Variants in STIM1 observed in about 807,000 individuals in gnomAD.
The protein encoded by STIM1 is stromal interaction molecule 1.
In STIM1, 25 loss-of-function variants were observed where a neutral mutation model predicts 74.7. That is an observed-to-expected ratio of 0.33 (90% CI 0.24 to 0.47). The LOEUF (loss-of-function observed/expected upper bound fraction) is 0.47. Among genes scored for constraint, STIM1 ranks in the 20% least tolerant of loss-of-function variants. The pLI, the probability that STIM1 is intolerant of heterozygous loss-of-function variation, is 1.00. For synonymous variants in STIM1, 328 were observed against 348.8 expected, an observed-to-expected ratio of 0.94 and a Z score of 0.66; for missense variants, 728 against 920.8, an observed-to-expected ratio of 0.79 and a Z score of 2.71.
At chr11:4,001,552 C>T (rs1176490384) in intron 2 of STIM1, among the ~76,000 whole-genome samples, 1 of 152,118 alleles carries the variant, frequency 6.6e-6, no homozygotes, top group Admixed American at 6.5e-5. Flanking sequence ...ATTTTGTCAC[C>T]ACCAGGTCTG....
intron 1 of STIM1, chr11:3,888,022 C>CCACCA (rs2091779803): frequency 6.6e-6 from 1 of 152,082 alleles, no homozygotes; most frequent in Non-Finnish European, 1.5e-5. Flanking sequence ...TTTTATCTCC[C>CCACCA]CACCACCCCT....
intron 1 of STIM1, among the ~76,000 whole-genome samples, chr11:3,874,288 A>G (rs916145945): frequency 2.0e-5 from 3 of 152,122 alleles, no homozygotes; most frequent in Admixed American, 6.5e-5. Flanking sequence ...AGTCATTTCT[A>G]TTGCCCTGGA....
At chr11:3,884,454 A>G (rs1229766835) in intron 1 of STIM1, among the ~76,000 whole-genome samples, 3 of 152,110 alleles carry the variant, frequency 2.0e-5, no homozygotes, top group Non-Finnish European at 4.4e-5. Context: ...TTCTGCTGGG[A>G]GCTGTCATGC....
chr11:3,885,431 C>A (rs2091670433), intron 1 of STIM1, among the ~76,000 whole-genome samples: 1 of 152,130 alleles, frequency 6.6e-6, no homozygotes, highest in South Asian at 2.1e-4. Context: ...AAGTGATCTG[C>A]CTGCCTTGGC....
chr11:4,065,298 C>T (rs1164968013), intron 5 of STIM1, among the ~76,000 whole-genome samples: 1 of 152,132 alleles, frequency 6.6e-6, no homozygotes, highest in Non-Finnish European at 1.5e-5. Context: ...GGAGTGGTTG[C>T]TTTTCTGGCA....
Position 4,084,692 on chromosome 11 carries a change from G to A in STIM1, c.1494G>A (p.Gly498=). The A allele has an allele frequency of 1.6e-6, 2 of 1,289,410 alleles. No individual in the cohort carries two copies. The highest frequency in any genetic ancestry group is 2.0e-6 in the Non-Finnish European group (2 of 988,872). 79.9% of individuals were successfully genotyped at this position (1,289,410 alleles called of 1,614,324 possible). ...CCCTAGATGCTGCCTGGCTGATGGG[G>A]CGTAGGTTCAGTGACCGCTCTCTCT... ...LSMQYAAWLM[G]RRFSDRSLCS... is the part of the protein sequence containing the mutation. The change falls in exon 11 of 13, where the codon GGG becomes GGA. Residue 498 remains glycine, a synonymous_variant. Transcript: ENST00000526596.
chr11:3,976,384 AG>A (rs2093448779), intron 2 of STIM1, among the ~76,000 whole-genome samples: 1 of 152,184 alleles, frequency 6.6e-6, no homozygotes, highest in African/African-American at 2.4e-5. Context: ...TTATTAGTGT[AG>A]GGGAGGTTTT....
At chr11:3,943,174 G>A (rs2093031355) in intron 1 of STIM1, among the ~76,000 whole-genome samples, 1 of 152,116 alleles carries the variant, frequency 6.6e-6, no homozygotes, top group Non-Finnish European at 1.5e-5. Flanking sequence ...CAAGCTCTGA[G>A]GGCATCTTCT....
intron 1 of STIM1, among the ~76,000 whole-genome samples, chr11:3,966,600 G>A (rs17081): frequency 0.24 from 36,907 of 152,048 alleles, 5,635 homozygotes; most frequent in South Asian, 0.45. Flanking sequence ...AGTAGTTGTC[G>A]AGATCCAGGT....
intron 2 of STIM1, among the ~76,000 whole-genome samples, chr11:3,979,257 CCCT>C (rs1425736749): frequency 6.6e-6 from 1 of 152,058 alleles, no homozygotes; most frequent in African/African-American, 2.4e-5. Flanking sequence ...CTGTAGACAA[CCCT>C]TAAGTGTTCT....
chr11:4,000,271 C>A lies in STIM1; in HGVS notation c.271-23602C>A, dbSNP rs1404502041. Among the ~76,000 whole-genome samples the A allele has an allele frequency of 4.4e-4, 58 of 132,220 alleles. 1 individual carries two copies. Among genetic ancestry groups the A allele is most frequent in the African/African-American group, 1.5e-3 (55 of 37,580 alleles). 86.7% of individuals were successfully genotyped at this position (132,220 alleles called of 152,430 possible). On this transcript the variant is annotated intron_variant, in intron 2 of 12. Coordinates refer to ENST00000526596, the MANE Select transcript of STIM1 (RefSeq NM_001382567.1). ...ATGCAGCTGCAGATCTGAGAATGGG[C>A]AGACTGCCTCCTCAAGTGGGTCCCT...
chr11:3,987,945 G>A (rs2093572816), intron 2 of STIM1, among the ~76,000 whole-genome samples: 1 of 152,036 alleles, frequency 6.6e-6, no homozygotes, highest in Non-Finnish European at 1.5e-5. Flanking sequence ...GCATGAGTTT[G>A]TTTTACTCTC....
In STIM1 at chr11:3,863,260, GTGTGTGTA is replaced by G. The variant is rs1205677506; in HGVS notation, c.139+6855_139+6862del. ...TGTGTGTGTGTGTGTGTGTGTGTGT[GTGTGTGTA>G]TGTATTTGAGACAGGGTCTCTCTGT... is the stretch of plus-strand genomic sequence containing the variant. On this transcript the variant is annotated intron_variant, in intron 1 of 12. Coordinates refer to ENST00000526596, the MANE Select transcript of STIM1 (RefSeq NM_001382567.1). 7.9e-4 allele frequency among the ~76,000 whole-genome samples: 46 copies of G among 58,258 alleles called. 1 individual carries two copies. Among genetic ancestry groups the G allele is most frequent in the African/African-American group, 3.4e-3 (39 of 11,590 alleles). 38.2% of individuals were successfully genotyped at this position (58,258 alleles called of 152,430 possible).
chr11:3,890,791 G>A (rs1418812470), intron 1 of STIM1, among the ~76,000 whole-genome samples: 2 of 152,208 alleles, frequency 1.3e-5, no homozygotes, highest in African/African-American at 4.8e-5. Context: ...TAGAGGTAGT[G>A]CTTTCCTGAT....
intron 2 of STIM1, among the ~76,000 whole-genome samples, chr11:3,992,089 GTTTTTTT>G (rs75377604): frequency 1.0e-5 from 1 of 95,368 alleles, no homozygotes; most frequent in Non-Finnish European, 1.9e-5. Flanking sequence ...CTGTTTTTTT[GTTTTTTT>G]TTTTTTTTTT....
At chr11:4,073,471 C>T (rs2094418080) in intron 6 of STIM1, among the ~76,000 whole-genome samples, 1 of 152,202 alleles carries the variant, frequency 6.6e-6, no homozygotes, top group Non-Finnish European at 1.5e-5. Context: ...ATACAGTTAT[C>T]TGTCTACTTG....
intron 1 of STIM1, among the ~76,000 whole-genome samples, chr11:3,916,313 G>GTC (rs2092642279): frequency 6.6e-6 from 1 of 151,558 alleles, no homozygotes; most frequent in African/African-American, 2.4e-5. Context: ...TTGAGACAGA[G>GTC]TCTCGCTTTG....
intron 2 of STIM1, among the ~76,000 whole-genome samples, chr11:3,980,404 G>A (rs16929531): frequency 0.054 from 8,262 of 152,100 alleles, 371 homozygotes; most frequent in East Asian, 0.18. Context: ...AGCCACCCCA[G>A]ACATGCTCTT....
intron 1 of STIM1, among the ~76,000 whole-genome samples, chr11:3,918,540 A>AG (rs1565115073): frequency 2.2e-4 from 27 of 125,068 alleles, no homozygotes; most frequent in African/African-American, 6.4e-4. Flanking sequence ...TCTCAAAAAA[A>AG]AAAAGAAAGA....
Sources: allele counts gnomAD v4.1 joint callset (sites outside exome capture counted in the v4.1 genomes callset), GRCh38; gene constraint gnomAD v4.1.1; transcripts MANE v1.5; gene names NCBI Gene and HGNC (gene_info 2026-07-23, HGNC 2026-07-21).